DFFB: variants seen among roughly 807,000 people sequenced by gnomAD.
DFFB encodes the protein DNA fragmentation factor subunit beta, also known as DNA fragmentation factor 40 kDa subunit.
DFFB carries 29 observed loss-of-function variants against 32.7 expected under a neutral mutation model. The ratio of observed to expected loss-of-function variants is 0.89; its 90% CI spans 0.66 to 1.21. The LOEUF is 1.21. Among genes scored for constraint, DFFB ranks in the 50% most tolerant of loss-of-function variants. DFFB has a pLI of 0.00. For synonymous variants in DFFB, 170 were observed against 177.1 expected, an observed-to-expected ratio of 0.96 and a Z score of 0.32; for missense variants, 398 against 440.6, an observed-to-expected ratio of 0.90 and a Z score of 0.87.
chr1:3,882,937 G>A (rs560692940), intron 6 of DFFB, among the ~76,000 whole-genome samples: 9 of 151,754 alleles, frequency 5.9e-5, no homozygotes, highest in Non-Finnish European at 1.2e-4. Flanking sequence ...GACTGTAAGT[G>A]ATGGAAAGGT....
intron 6 of DFFB, 125 bp from the exon 7 acceptor site, chr1:3,883,382 C>A: frequency 1.2e-6 from 1 of 858,688 alleles, no homozygotes; most frequent in Non-Finnish European, 1.8e-6. Flanking sequence ...CCAGTAGGTG[C>A]GGCCGTGTGT....
chr1:3,871,467 A>G (rs1026204854), intron 5 of DFFB, among the ~76,000 whole-genome samples: 3 of 152,058 alleles, frequency 2.0e-5, no homozygotes, highest in East Asian at 1.9e-4. Context: ...TTGTGTTTTT[A>G]GTAGAGATGG....
At chr1:3,872,367 CGG>C in intron 5 of DFFB, 103 bp from the exon 6 acceptor site, 1 of 777,244 alleles carries the variant, frequency 1.3e-6, no homozygotes. Context: ...AAGCCGAGAT[CGG>C]GCCACTGCAC....
At chr1:3,883,096 A>G (rs1359273288) in intron 6 of DFFB, among the ~76,000 whole-genome samples, 6 of 149,232 alleles carry the variant, frequency 4.0e-5, no homozygotes. Context: ...CTCCACCTCC[A>G]GGGTTCAAGT....
chr1:3,877,113 TG>T (rs1645239406), intron 6 of DFFB, among the ~76,000 whole-genome samples: 1 of 152,170 alleles, frequency 6.6e-6, no homozygotes, highest in Non-Finnish European at 1.5e-5. Flanking sequence ...GCCCTGCCGC[TG>T]GGGAACTTTC....
intron 2 of DFFB, among the ~76,000 whole-genome samples, chr1:3,860,021 C>T (rs1484139052): frequency 2.0e-5 from 3 of 152,228 alleles, no homozygotes; most frequent in South Asian, 2.1e-4. Flanking sequence ...CTTTCTCTGG[C>T]GCTTTATCCT....
In DFFB at chr1:3,885,228, C is replaced by A. The variant is rs1638346731; in HGVS notation, c.*1487C>A. ...ACACGCGGATCTGAACAGCAGTAAT[C>A]CTGGGGGATACGGGGGTTGGGCTAG... On this transcript the variant is annotated 3_prime_UTR_variant, in exon 7 of 7. Coordinates refer to ENST00000378209, the MANE Select transcript of DFFB (RefSeq NM_004402.4). 4 of 152,084 alleles carry A rather than the reference C, an allele frequency of 2.6e-5. No homozygotes were observed. In the South Asian group the frequency reaches 8.3e-4, roughly 32 times the overall value. The allele number at this position is 152,084 out of a possible 1,614,324, so 9.4% of individuals were successfully genotyped here.
chr1:3,873,250 A>C (rs66849805), intron 6 of DFFB: 45,935 of 157,980 alleles, frequency 0.29, 7,350 homozygotes, highest in Non-Finnish European at 0.37. Flanking sequence ...ACAAATGGGC[A>C]GGATGGAAAA....
intron 6 of DFFB, among the ~76,000 whole-genome samples, chr1:3,879,890 CACTTT>C (rs1645302033): frequency 6.6e-6 from 1 of 152,180 alleles, no homozygotes; most frequent in Admixed American, 6.5e-5. Context: ...TCTTTTTAAT[CACTTT>C]AATCATTAAT....
chr1:3,881,874 A>C (rs1343905057), intron 6 of DFFB, among the ~76,000 whole-genome samples: 1 of 152,018 alleles, frequency 6.6e-6, no homozygotes, highest in South Asian at 2.1e-4. Context: ...TGTTTCAAAA[A>C]AAAAAAAAAG....
In DFFB at chr1:3,884,278, G is replaced by A. The variant is rs1387493744; in HGVS notation, c.*537G>A. 1 of 161,824 alleles carries A rather than the reference G, an allele frequency of 6.2e-6. No homozygotes were observed. Among genetic ancestry groups the A allele is most frequent in the Admixed American group, 5.8e-5 (1 of 17,282 alleles). The allele number at this position is 161,824 out of a possible 1,614,324, so 10.0% of individuals were successfully genotyped here. A position where few individuals can be genotyped will look rare whatever the true frequency, so the allele number is the denominator to read the frequency against. ...TGTGAGTACCTGGTCATACGGGTCA[G>A]TAGGGATAAGAATTGTCTCTGGGCT... On this transcript the variant is annotated 3_prime_UTR_variant, in exon 7 of 7. Coordinates refer to ENST00000378209, the MANE Select transcript of DFFB (RefSeq NM_004402.4).
At chr1:3,862,003 A>G (rs1327583354) in intron 2 of DFFB, among the ~76,000 whole-genome samples, 1 of 152,266 alleles carries the variant, frequency 6.6e-6, no homozygotes, top group African/African-American at 2.4e-5. Flanking sequence ...CTAAAAAGTG[A>G]TTAGAACTAA....
intron 6 of DFFB, among the ~76,000 whole-genome samples, chr1:3,879,756 T>C (rs971393041): frequency 2.0e-5 from 3 of 152,230 alleles, no homozygotes; most frequent in Admixed American, 6.5e-5. Context: ...GCTGTTCATA[T>C]GTTCATTCTG....
At chr1:3,871,355 C>G (rs186779024) in intron 5 of DFFB, among the ~76,000 whole-genome samples, 3 of 152,274 alleles carry the variant, frequency 2.0e-5, no homozygotes, top group South Asian at 4.1e-4. Flanking sequence ...GGTGCGATCT[C>G]GGCTCACTGC....
intron 6 of DFFB, among the ~76,000 whole-genome samples, chr1:3,879,095 C>A (rs1363397435): frequency 6.6e-6 from 1 of 152,152 alleles, no homozygotes; most frequent in African/African-American, 2.4e-5. Context: ...AATTTTCTGC[C>A]TTTTTAATGG....
chr1:3,871,853 G>A (rs1645118901), intron 5 of DFFB, among the ~76,000 whole-genome samples: 1 of 152,196 alleles, frequency 6.6e-6, no homozygotes, highest in South Asian at 2.1e-4. Context: ...GGAAGGGGAG[G>A]CAGGAGCAGG....
At chr1:3,859,257 C>A (rs1052952086) in intron 2 of DFFB, among the ~76,000 whole-genome samples, 1 of 151,952 alleles carries the variant, frequency 6.6e-6, no homozygotes, top group African/African-American at 2.4e-5. Flanking sequence ...TCGTGGGATG[C>A]TCTCACATTG....
intron 4 of DFFB, 85 bp from the exon 5 acceptor site, chr1:3,869,520 G>A (rs1645066838): frequency 7.2e-7 from 1 of 1,397,826 alleles, no homozygotes; most frequent in Admixed American, 2.1e-5. Context: ...GGTCTCAGAG[G>A]GCCATGGAGT....
intron 3 of DFFB, among the ~76,000 whole-genome samples, chr1:3,867,321 C>T (rs77361367): frequency 1.1e-4 from 17 of 152,366 alleles, no homozygotes; most frequent in East Asian, 7.7e-4. Context: ...TGCCACGCTC[C>T]GTCTGTTCAC....
Sources: allele counts gnomAD v4.1 joint callset (sites outside exome capture counted in the v4.1 genomes callset), GRCh38; gene constraint gnomAD v4.1.1; transcripts MANE v1.5; gene names NCBI Gene and HGNC (gene_info 2026-07-23, HGNC 2026-07-21).